Variants in MAP4K4 observed in about 807,000 individuals in gnomAD.
The protein encoded by MAP4K4 is HPK/GCK-like kinase HGK.
MAP4K4 carries 38 observed loss-of-function variants against 189.6 expected under a neutral mutation model. The ratio of observed to expected loss-of-function variants is 0.20; its 90% CI spans 0.15 to 0.26. The LOEUF is 0.26. Ranked by LOEUF, MAP4K4 falls within the 10% of genes least tolerant of loss-of-function variation. The pLI, the probability that MAP4K4 is intolerant of heterozygous loss-of-function variation, is 1.00. For missense variants in MAP4K4, 1,054 were observed against 1,726.9 expected (o/e 0.61, Z 6.91); for synonymous variants, 610 against 624.3 (o/e 0.98, Z 0.34).
At chr2:101,832,438 C>T (rs947351839) in intron 7 of MAP4K4, among the ~76,000 whole-genome samples, 23 of 152,112 alleles carry the variant, frequency 1.5e-4, no homozygotes, top group East Asian at 5.8e-4. Flanking sequence ...TTAATATACC[C>T]GTTAATGATA....
intron 11 of MAP4K4, among the ~76,000 whole-genome samples, chr2:101,843,069 CTG>C (rs2096970307): frequency 6.6e-6 from 1 of 152,188 alleles, no homozygotes; most frequent in Admixed American, 6.5e-5. Flanking sequence ...ACCAGCAGGA[CTG>C]TGTTGTGTCC....
At chr2:101,796,423 G>A (rs1179247754) in intron 3 of MAP4K4, among the ~76,000 whole-genome samples, 6 of 152,130 alleles carry the variant, frequency 3.9e-5, no homozygotes, top group Non-Finnish European at 7.4e-5. Context: ...TCTGTCTGTC[G>A]GTGAAGAACT....
intron 2 of MAP4K4, 95 bp from the exon 3 acceptor site, chr2:101,790,625 T>G: frequency 7.2e-6 from 6 of 836,504 alleles, no homozygotes; most frequent in Non-Finnish European, 1.0e-5. Flanking sequence ...TAAGTATAGT[T>G]GAGATACGAT....
chr2:101,706,299 T>G (rs1228091993), intron 2 of MAP4K4, among the ~76,000 whole-genome samples: 3 of 152,246 alleles, frequency 2.0e-5, no homozygotes, highest in African/African-American at 4.8e-5. Context: ...AGTTCAATAG[T>G]AGTTGAATAT....
At chr2:101,713,848 C>T (rs775082288) in intron 2 of MAP4K4, among the ~76,000 whole-genome samples, 4 of 151,928 alleles carry the variant, frequency 2.6e-5, no homozygotes, top group South Asian at 2.1e-4. Flanking sequence ...GAGCTGAGGT[C>T]GCGCCACTGC....
chr2:101,891,459 A>T, exon 33 of MAP4K4: 6 of 509,282 alleles, frequency 1.2e-5, no homozygotes, highest in Non-Finnish European at 2.1e-5. Flanking sequence ...TCCAAAATAA[A>T]TCAAGGCTGC....
intron 2 of MAP4K4, among the ~76,000 whole-genome samples, chr2:101,769,992 C>A (rs1315495481): frequency 2.0e-5 from 3 of 152,186 alleles, no homozygotes; most frequent in Non-Finnish European, 2.9e-5. Context: ...TGAGATATAT[C>A]AGTGAGGTAA....
intron 5 of MAP4K4, among the ~76,000 whole-genome samples, chr2:101,828,529 A>G (rs2096464465): frequency 6.6e-6 from 1 of 152,384 alleles, no homozygotes; most frequent in East Asian, 1.9e-4. Context: ...ACAGACCAGT[A>G]AATGAATGTT....
intron 5 of MAP4K4, among the ~76,000 whole-genome samples, chr2:101,828,832 A>G (rs2096481617): frequency 6.6e-6 from 1 of 152,198 alleles, no homozygotes; most frequent in African/African-American, 2.4e-5. Context: ...TGGAGGCAAC[A>G]TGTGTTTTTG....
intron 12 of MAP4K4, among the ~76,000 whole-genome samples, chr2:101,849,164 C>A (rs2097201186): frequency 6.6e-6 from 1 of 152,092 alleles, no homozygotes; most frequent in African/African-American, 2.4e-5. Context: ...GCTGTGTCAC[C>A]CAGGCTGGAG....
chr2:101,876,221 G>T (rs1317227454), intron 26 of MAP4K4, among the ~76,000 whole-genome samples: 1 of 152,084 alleles, frequency 6.6e-6, no homozygotes, highest in African/African-American at 2.4e-5. Context: ...GTGGAATTAG[G>T]AGTTACTGGT....
chr2:101,785,126 G>T (rs143153331), intron 2 of MAP4K4, among the ~76,000 whole-genome samples: 1 of 152,168 alleles, frequency 6.6e-6, no homozygotes, highest in Non-Finnish European at 1.5e-5. Flanking sequence ...GCTATTTAGG[G>T]ACGAAGGCAT....
intron 12 of MAP4K4, among the ~76,000 whole-genome samples, chr2:101,844,781 A>G (rs2097040387): frequency 6.6e-6 from 1 of 151,770 alleles, no homozygotes; most frequent in South Asian, 2.1e-4. Context: ...CCTTGGGTAT[A>G]CTCAAGAGTA....
intron 3 of MAP4K4, among the ~76,000 whole-genome samples, chr2:101,794,501 C>A (rs1156762774): frequency 1.3e-5 from 2 of 152,264 alleles, no homozygotes; most frequent in South Asian, 4.2e-4. Flanking sequence ...TGAACACTCT[C>A]GGCTGTTCAC....
exon 10 of MAP4K4, chr2:101,839,974 G>A (rs2096867527): frequency 6.3e-7 from 1 of 1,599,252 alleles, no homozygotes; most frequent in Non-Finnish European, 8.5e-7. Context: ...GATCGTACCA[G>A]GAAGAAGAGA....
intron 3 of MAP4K4, among the ~76,000 whole-genome samples, chr2:101,806,981 G>A (rs747646542): frequency 6.6e-6 from 1 of 152,056 alleles, no homozygotes; most frequent in Non-Finnish European, 1.5e-5. Context: ...GGTTGGGCAC[G>A]TGTGGAGTAG....
chr2:101,758,916 G>A (rs561959257), intron 2 of MAP4K4, among the ~76,000 whole-genome samples: 3 of 152,120 alleles, frequency 2.0e-5, no homozygotes, highest in South Asian at 2.1e-4. Context: ...GGCGGATCAC[G>A]AGATCAGGAG....
At chr2:101,725,361 T>A (rs1359634919) in intron 2 of MAP4K4, among the ~76,000 whole-genome samples, 6 of 141,460 alleles carry the variant, frequency 4.2e-5, no homozygotes, top group Non-Finnish European at 7.6e-5. Context: ...GTTGTATGCT[T>A]GAACTTTTCC....
exon 10 of MAP4K4, chr2:101,839,984 A>G (rs1458630401): frequency 6.3e-7 from 1 of 1,595,086 alleles, no homozygotes. Flanking sequence ...GGAAGAAGAG[A>G]GGCGAGAAAG....
Sources: gnomAD v4.1 joint callset for allele counts (sites outside exome capture counted in the v4.1 genomes callset) on GRCh38, gnomAD v4.1.1 for gene constraint, MANE v1.5 for transcripts, NCBI Gene and HGNC (gene_info 2026-07-23, HGNC 2026-07-21) for gene names.